MCPH1: variants seen among roughly 807,000 people sequenced by gnomAD.
The protein encoded by MCPH1 is microcephalin.
Under a neutral mutation model 84.5 loss-of-function variants are expected in MCPH1, and 104 were observed. The observed-to-expected ratio is 1.23, with a 90% confidence interval of 1.05 to 1.45. The LOEUF (loss-of-function observed/expected upper bound fraction) is 1.45, where lower values mean the gene tolerates loss of function less well. MCPH1 is among the 40% of genes most tolerant of loss of function. The pLI is 0.00. For synonymous variants in MCPH1, 514 were observed against 366.8 expected, an observed-to-expected ratio of 1.40 and a Z score of -4.58; for missense variants, 1,498 against 1,005.7, an observed-to-expected ratio of 1.49 and a Z score of -6.62.
intron 11 of MCPH1, among the ~76,000 whole-genome samples, chr8:6,491,092 G>C (rs1294272478): frequency 6.7e-6 from 1 of 150,234 alleles, no homozygotes. Flanking sequence ...TGAAGCATTG[G>C]TTTTATTAAA....
At chr8:6,434,948 G>A (rs1398784420) in intron 4 of MCPH1, among the ~76,000 whole-genome samples, 3 of 152,176 alleles carry the variant, frequency 2.0e-5, no homozygotes, top group African/African-American at 7.2e-5. Context: ...AAGACGGGAA[G>A]TCAATGGGCA....
In MCPH1 at chr8:6,464,792, G is replaced by A. The variant is rs558607506; in HGVS notation, c.1935+9540G>A. On this transcript the variant is annotated intron_variant, in intron 9 of 13. Coordinates refer to ENST00000344683, the MANE Select transcript of MCPH1 (RefSeq NM_024596.5). ...GCAGGTGGATCACCTGAGGTCAGGA[G>A]TTTGAGACCAGCCTGGCCAACATGG... is the stretch of plus-strand genomic sequence containing the variant. Among the ~76,000 whole-genome samples, 3 of 152,360 alleles carry A rather than the reference G, an allele frequency of 2.0e-5. No homozygotes were observed. In the South Asian group the frequency reaches 6.2e-4, roughly 32 times the overall value.
At chr8:6,511,480 AT>A (rs1316993445) in intron 12 of MCPH1, among the ~76,000 whole-genome samples, 4 of 152,194 alleles carry the variant, frequency 2.6e-5, no homozygotes, top group Non-Finnish European at 5.9e-5. Context: ...ATGAAATTCT[AT>A]TGATGCATTT....
intron 12 of MCPH1, among the ~76,000 whole-genome samples, chr8:6,505,427 A>T (rs1467193536): frequency 1.4e-5 from 1 of 73,406 alleles, no homozygotes; most frequent in Non-Finnish European, 2.9e-5. Context: ...ATACATAAAG[A>T]ATATATATAT....
intron 13 of MCPH1, chr8:6,626,474 G>GTT (rs71213328): frequency 0.18 from 156,221 of 857,620 alleles, 2,548 homozygotes; most frequent in Non-Finnish European, 0.19. Context: ...TTTTTGTTTT[G>GTT]TTTTTTTTTT....
chr8:6,495,211 C>T (rs1048380679), intron 11 of MCPH1, among the ~76,000 whole-genome samples: 3 of 152,120 alleles, frequency 2.0e-5, no homozygotes, highest in Non-Finnish European at 4.4e-5. Flanking sequence ...CCAATTTTTT[C>T]TCCTGAAGTT....
chr8:6,437,099 A>T (rs954618757), intron 5 of MCPH1, among the ~76,000 whole-genome samples: 99 of 152,202 alleles, frequency 6.5e-4, no homozygotes, highest in African/African-American at 2.4e-3. Flanking sequence ...ACAGATAAGC[A>T]ATTATGGTCA....
intron 12 of MCPH1, chr8:6,513,755 G>T: frequency 1.9e-6 from 3 of 1,613,836 alleles, no homozygotes; most frequent in Non-Finnish European, 2.5e-6. Context: ...AGTCTTTAAG[G>T]TGTATTTTAA....
intron 12 of MCPH1, among the ~76,000 whole-genome samples, chr8:6,566,260 G>A (rs993465176): frequency 6.6e-6 from 1 of 152,218 alleles, no homozygotes; most frequent in African/African-American, 2.4e-5. Context: ...GTAGCTTGCT[G>A]GCCTCTGAGA....
chr8:6,577,411 C>T (rs1190583224), intron 12 of MCPH1, among the ~76,000 whole-genome samples: 2 of 152,254 alleles, frequency 1.3e-5, no homozygotes, highest in African/African-American at 2.4e-5. Context: ...CAGAATAGAT[C>T]GTCCTGGGGT....
rs546236152 is a variant in MCPH1, at chr8:6,414,772, A to G, written c.122A>G (p.Lys41Arg). ...QLVDMGAKVSKTFNKQVTHVI... is the reference protein window; with the variant it reads ...QLVDMGAKVSRTFNKQVTHVI... ...TCTGCATTTTGTCTACAGGTTTCAA[A>G]AACTTTTAACAAACAAGTAACTCAC... Residue 41 changes from lysine (K) to arginine (R), a missense_variant, in exon 3 of 14, where the codon AAA becomes AGA. Coordinates refer to ENST00000344683, the MANE Select transcript of MCPH1 (RefSeq NM_024596.5). The G allele has an allele frequency of 8.1e-6, 13 of 1,613,734 alleles. No homozygotes were observed. In the African/African-American group the frequency reaches 1.5e-4, roughly 18 times the overall value.
intron 3 of MCPH1, among the ~76,000 whole-genome samples, chr8:6,425,151 TG>T (rs1563188615): frequency 6.6e-6 from 1 of 152,170 alleles, no homozygotes; most frequent in East Asian, 1.9e-4. Flanking sequence ...ATCGGCTCTC[TG>T]GGGAGAATAA....
chr8:6,612,612 C>A (rs916236907), intron 12 of MCPH1, among the ~76,000 whole-genome samples: 1 of 152,240 alleles, frequency 6.6e-6, no homozygotes, highest in Non-Finnish European at 1.5e-5. Context: ...TGGTTGCGGG[C>A]CTGCTCCGGC....
At chr8:6,485,797 A>C (rs1050194890) in intron 11 of MCPH1, among the ~76,000 whole-genome samples, 19 of 152,148 alleles carry the variant, frequency 1.2e-4, no homozygotes, top group African/African-American at 4.3e-4. Flanking sequence ...CACATATATA[A>C]ATGACACAAA....
intron 12 of MCPH1, among the ~76,000 whole-genome samples, chr8:6,588,138 G>T (rs1220373797): frequency 6.6e-6 from 1 of 152,110 alleles, no homozygotes; most frequent in Non-Finnish European, 1.5e-5. Context: ...TGTCCACAGG[G>T]CTAGTCTTGA....
At chr8:6,536,725 C>T (rs144342412) in intron 12 of MCPH1, among the ~76,000 whole-genome samples, 144 of 152,240 alleles carry the variant, frequency 9.5e-4, no homozygotes, top group Non-Finnish European at 1.2e-3. Context: ...TAAATCACCA[C>T]GTATCAAGGA....
At chr8:6,591,718 A>T (rs1202043509) in intron 12 of MCPH1, among the ~76,000 whole-genome samples, 1 of 152,196 alleles carries the variant, frequency 6.6e-6, no homozygotes, top group African/African-American at 2.4e-5. Flanking sequence ...GGTAGCCCCA[A>T]GACACTCAGC....
intron 12 of MCPH1, among the ~76,000 whole-genome samples, chr8:6,504,044 C>A (rs550594277): frequency 6.6e-6 from 1 of 152,184 alleles, no homozygotes; most frequent in Non-Finnish European, 1.5e-5. Context: ...AGGGGCCGGG[C>A]GCAGTGGCTC....
At chr8:6,612,418 G>T (rs1351878463) in intron 12 of MCPH1, among the ~76,000 whole-genome samples, 1 of 152,106 alleles carries the variant, frequency 6.6e-6, no homozygotes, top group African/African-American at 2.4e-5. Flanking sequence ...TCCACGTGCC[G>T]CCTGGCAGTG....
Sources: gnomAD v4.1 joint callset for allele counts (sites outside exome capture counted in the v4.1 genomes callset) on GRCh38, gnomAD v4.1.1 for gene constraint, MANE v1.5 for transcripts, NCBI Gene and HGNC (gene_info 2026-07-23, HGNC 2026-07-21) for gene names.